MAGI1: variants seen among roughly 807,000 people sequenced by gnomAD.
The protein encoded by MAGI1 is membrane associated guanylate kinase, WW and PDZ domain containing 1, also known as membrane-associated guanylate kinase, WW and PDZ domain-containing protein 1.
MAGI1 carries 58 observed loss-of-function variants against 139.9 expected under a neutral mutation model. That is an observed-to-expected ratio of 0.41 (90% CI 0.34 to 0.52). MAGI1 has a LOEUF of 0.52. MAGI1 is among the 20% of genes least tolerant of loss of function. The pLI, the probability that MAGI1 is intolerant of heterozygous loss-of-function variation, is 0.12. For missense variants in MAGI1, 1,874 were observed against 1,901.6 expected (o/e 0.99, Z 0.27); for synonymous variants, 812 against 737.9 (o/e 1.10, Z -1.63).
At chr3:65,821,338 T>C (rs1046784267) in intron 1 of MAGI1, among the ~76,000 whole-genome samples, 5 of 152,138 alleles carry the variant, frequency 3.3e-5, no homozygotes, top group African/African-American at 1.2e-4. Flanking sequence ...AGTTTGGTCA[T>C]AGCATATATG....
intron 2 of MAGI1, among the ~76,000 whole-genome samples, chr3:65,579,606 G>A (rs1352035109): frequency 6.6e-6 from 1 of 152,180 alleles, no homozygotes; most frequent in Non-Finnish European, 1.5e-5. Context: ...AGCACTTTGG[G>A]AGGCCAAGGC....
intron 1 of MAGI1, among the ~76,000 whole-genome samples, chr3:65,892,028 T>G (rs71306788): frequency 4.0e-5 from 6 of 149,112 alleles, no homozygotes. Context: ...CCTCCCATAT[T>G]GTTCTAAATA....
chr3:66,024,662 T>C (rs1322708435), intron 1 of MAGI1, among the ~76,000 whole-genome samples: 4 of 152,152 alleles, frequency 2.6e-5, no homozygotes, highest in Non-Finnish European at 4.4e-5. Context: ...CAAAATTAGC[T>C]GGGTGTGGTG....
At chr3:65,815,658 A>G (rs527659630) in intron 1 of MAGI1, among the ~76,000 whole-genome samples, 1 of 152,318 alleles carries the variant, frequency 6.6e-6, no homozygotes, top group Non-Finnish European at 1.5e-5. Flanking sequence ...ATTTTAAAAT[A>G]TATTTTATTA....
At chr3:65,914,272 C>G (rs1474954387) in intron 1 of MAGI1, 1 of 152,218 alleles carries the variant, frequency 6.6e-6, no homozygotes, top group East Asian at 1.9e-4. Context: ...AAAGTCAACT[C>G]TCTGTTGCAT....
chr3:66,009,061 C>T (rs1292130426), intron 1 of MAGI1: 1 of 152,360 alleles, frequency 6.6e-6, no homozygotes, highest in Non-Finnish European at 1.5e-5. Flanking sequence ...CTGCCTGCCA[C>T]CAACCCCACA....
At chr3:65,394,528 G>A (rs2107029150) in intron 13 of MAGI1, among the ~76,000 whole-genome samples, 1 of 152,280 alleles carries the variant, frequency 6.6e-6, no homozygotes, top group Non-Finnish European at 1.5e-5. Flanking sequence ...CTTTTTGGAT[G>A]TTCTCCCTGC....
chr3:65,759,016 C>T (rs1323368567), intron 1 of MAGI1, among the ~76,000 whole-genome samples: 1 of 131,530 alleles, frequency 7.6e-6, no homozygotes, highest in African/African-American at 2.9e-5. Context: ...TGATCTCATA[C>T]ATATTTTCTT....
chr3:66,002,726 G>C (rs2066811260), intron 1 of MAGI1, among the ~76,000 whole-genome samples: 1 of 152,086 alleles, frequency 6.6e-6, no homozygotes, highest in African/African-American at 2.4e-5. Context: ...ATGTTGGTCA[G>C]GCTGGTCTCG....
intron 10 of MAGI1, among the ~76,000 whole-genome samples, chr3:65,431,736 T>C (rs1388276545): frequency 2.0e-5 from 3 of 151,830 alleles, no homozygotes; most frequent in African/African-American, 4.8e-5. Flanking sequence ...CCTGTAATCC[T>C]AGCACTTTGG....
At chr3:65,368,274 G>C (rs1435316227) in intron 18 of MAGI1, among the ~76,000 whole-genome samples, 2 of 152,174 alleles carry the variant, frequency 1.3e-5, no homozygotes, top group African/African-American at 2.4e-5. Context: ...AAGGCACATG[G>C]ACAGATTAGG....
At chr3:65,568,064 A>G (rs1484730627) in intron 2 of MAGI1, among the ~76,000 whole-genome samples, 1 of 152,116 alleles carries the variant, frequency 6.6e-6, no homozygotes, top group African/African-American at 2.4e-5. Flanking sequence ...CACAGTCCTA[A>G]GGGAATCTAT....
intron 2 of MAGI1, among the ~76,000 whole-genome samples, chr3:65,517,404 A>G (rs2077957100): frequency 6.6e-6 from 1 of 152,108 alleles, no homozygotes; most frequent in Non-Finnish European, 1.5e-5. Flanking sequence ...TCTCCACAGC[A>G]CATATCAACA....
chr3:65,859,557 C>T (rs1168989485), intron 1 of MAGI1, among the ~76,000 whole-genome samples: 5 of 151,832 alleles, frequency 3.3e-5, no homozygotes, highest in East Asian at 3.9e-4. Flanking sequence ...AGTGAAACCC[C>T]GCCTCTATTA....
chr3:65,813,887 G>A (rs867300869), intron 1 of MAGI1, among the ~76,000 whole-genome samples: 12 of 152,060 alleles, frequency 7.9e-5, no homozygotes, highest in Admixed American at 3.9e-4. Flanking sequence ...TGAGTCTCTC[G>A]GACATATCTA....
At chr3:65,579,904 T>A (rs1257375311) in intron 2 of MAGI1, among the ~76,000 whole-genome samples, 1 of 151,252 alleles carries the variant, frequency 6.6e-6, no homozygotes, top group Non-Finnish European at 1.5e-5. Flanking sequence ...CCAATGAAAC[T>A]AGACAAGCTC....
intron 1 of MAGI1, among the ~76,000 whole-genome samples, chr3:65,624,878 A>G (rs1410343012): frequency 6.6e-6 from 1 of 151,918 alleles, no homozygotes; most frequent in Admixed American, 6.6e-5. Flanking sequence ...CCAATATAAT[A>G]TTTTCTTTTT....
chr3:65,951,981 C>T (rs566051639), intron 1 of MAGI1, among the ~76,000 whole-genome samples: 1 of 152,254 alleles, frequency 6.6e-6, no homozygotes, highest in African/African-American at 2.4e-5. Flanking sequence ...AATGAGATTG[C>T]AATGTGATAT....
At chr3:65,800,926 A>C (rs1019884471) in intron 1 of MAGI1, among the ~76,000 whole-genome samples, 5 of 152,186 alleles carry the variant, frequency 3.3e-5, no homozygotes, top group Non-Finnish European at 5.9e-5. Context: ...AACCGCAGTC[A>C]CTTCTGCACC....
Sources: gnomAD v4.1 joint callset for allele counts (sites outside exome capture counted in the v4.1 genomes callset) on GRCh38, gnomAD v4.1.1 for gene constraint, MANE v1.5 for transcripts, NCBI Gene and HGNC (gene_info 2026-07-23, HGNC 2026-07-21) for gene names.